PTPRD: variants seen among roughly 807,000 people sequenced by gnomAD.
The protein encoded by PTPRD is receptor-type tyrosine-protein phosphatase delta.
Under a neutral mutation model 214.5 loss-of-function variants are expected in PTPRD, and 34 were observed. The observed-to-expected ratio is 0.16, with a 90% CI of 0.12 to 0.21. The LOEUF is 0.21. Among genes scored for constraint, PTPRD ranks in the 10% least tolerant of loss-of-function variants. PTPRD has a pLI of 1.00. For synonymous variants in PTPRD, 1,128 were observed against 845.7 expected, an observed-to-expected ratio of 1.33 and a Z score of -5.79; for missense variants, 2,545 against 2,398.7, an observed-to-expected ratio of 1.06 and a Z score of -1.27.
At chr9:8,989,144 T>C (rs569732267) in intron 11 of PTPRD, among the ~76,000 whole-genome samples, 1 of 152,080 alleles carries the variant, frequency 6.6e-6, no homozygotes, top group Non-Finnish European at 1.5e-5. Context: ...TTGATACCTG[T>C]ACACAATGTG....
intron 9 of PTPRD, among the ~76,000 whole-genome samples, chr9:9,208,994 G>C (rs560059185): frequency 6.6e-6 from 1 of 152,046 alleles, no homozygotes; most frequent in East Asian, 1.9e-4. Flanking sequence ...GCTTTTAGTA[G>C]AGACAGGGTT....
intron 9 of PTPRD, among the ~76,000 whole-genome samples, chr9:9,236,664 T>G (rs2099966940): frequency 7.1e-6 from 1 of 140,184 alleles, no homozygotes; most frequent in Non-Finnish European, 1.6e-5. Context: ...GTCAATTCAT[T>G]TGTGGTCCTT....
intron 4 of PTPRD, among the ~76,000 whole-genome samples, chr9:9,986,410 G>A (rs751307540): frequency 6.6e-6 from 1 of 152,026 alleles, no homozygotes; most frequent in Non-Finnish European, 1.5e-5. Context: ...ATTTATTGAA[G>A]TAATATTGTA....
intron 35 of PTPRD, among the ~76,000 whole-genome samples, chr9:8,409,659 T>C (rs998677735): frequency 2.6e-5 from 4 of 152,114 alleles, no homozygotes; most frequent in Admixed American, 6.6e-5. Context: ...AGAAGAAAAA[T>C]ATAATTCAAA....
intron 8 of PTPRD, among the ~76,000 whole-genome samples, chr9:9,403,392 C>T (rs1273451554): frequency 7.5e-6 from 1 of 132,676 alleles, no homozygotes; most frequent in Non-Finnish European, 1.6e-5. Flanking sequence ...TGATACATTT[C>T]TAAATATTGT....
At chr9:9,917,302 GAAAAAAAAAA>G (rs140708788) in intron 5 of PTPRD, among the ~76,000 whole-genome samples, 1 of 21,196 alleles carries the variant, frequency 4.7e-5, no homozygotes, top group Non-Finnish European at 1.0e-4. Flanking sequence ...TAGCTAGACT[GAAAAAAAAAA>G]AAAAAAAAAA....
chr9:10,354,881 G>T (rs1486619233), intron 2 of PTPRD, among the ~76,000 whole-genome samples: 1 of 152,096 alleles, frequency 6.6e-6, no homozygotes, highest in Non-Finnish European at 1.5e-5. Context: ...TCATAATTTT[G>T]CATGTGCTCA....
At chr9:10,288,423 T>C (rs1456191684) in intron 3 of PTPRD, among the ~76,000 whole-genome samples, 1 of 152,182 alleles carries the variant, frequency 6.6e-6, no homozygotes, top group African/African-American at 2.4e-5. Flanking sequence ...CATCAGTTTA[T>C]TAACTTAATG....
At chr9:10,453,401 G>C (rs1015255958) in intron 2 of PTPRD, among the ~76,000 whole-genome samples, 4 of 151,558 alleles carry the variant, frequency 2.6e-5, no homozygotes, top group South Asian at 2.1e-4. Flanking sequence ...ACATTGGATA[G>C]TATAGATATT....
chr9:8,978,954 C>T (rs939490766), intron 11 of PTPRD, among the ~76,000 whole-genome samples: 14 of 152,064 alleles, frequency 9.2e-5, no homozygotes, highest in African/African-American at 3.1e-4. Context: ...CATTTGAATC[C>T]AATGAGGCTG....
intron 9 of PTPRD, among the ~76,000 whole-genome samples, chr9:9,375,211 A>G (rs2060472160): frequency 6.6e-6 from 1 of 152,218 alleles, no homozygotes; most frequent in African/African-American, 2.4e-5. Flanking sequence ...TCACAGCAGC[A>G]TTATTCACAG....
chr9:8,502,281 C>T (rs920405725), intron 23 of PTPRD, among the ~76,000 whole-genome samples: 3 of 152,072 alleles, frequency 2.0e-5, no homozygotes, highest in Non-Finnish European at 2.9e-5. Flanking sequence ...CATACACACA[C>T]GCATATATTT....
chr9:10,191,994 T>A (rs968535095), intron 3 of PTPRD, among the ~76,000 whole-genome samples: 1 of 152,156 alleles, frequency 6.6e-6, no homozygotes, highest in African/African-American at 2.4e-5. Context: ...GGTTGAATTA[T>A]TAGAAATTGT....
At chr9:10,326,900 A>G (rs991956193) in intron 3 of PTPRD, among the ~76,000 whole-genome samples, 1 of 151,370 alleles carries the variant, frequency 6.6e-6, no homozygotes, top group Admixed American at 6.6e-5. Context: ...CATTCTTTGA[A>G]CCTAAAATTT....
intron 3 of PTPRD, among the ~76,000 whole-genome samples, chr9:10,154,380 T>C (rs2099080798): frequency 6.6e-6 from 1 of 152,198 alleles, no homozygotes; most frequent in African/African-American, 2.4e-5. Flanking sequence ...CTTTGTCAAA[T>C]GTACAATTTG....
chr9:9,940,329 A>G (rs4636255), intron 4 of PTPRD, among the ~76,000 whole-genome samples: 25,355 of 152,076 alleles, frequency 0.17, 5,498 homozygotes, highest in African/African-American at 0.5. Flanking sequence ...TAGACTACCT[A>G]TGGGACAAAC....
chr9:9,412,340 A>C (rs574927849), intron 8 of PTPRD, among the ~76,000 whole-genome samples: 33 of 152,228 alleles, frequency 2.2e-4, no homozygotes, highest in African/African-American at 6.0e-4. Flanking sequence ...ATGCCTACTG[A>C]AATTGTTGCC....
intron 11 of PTPRD, among the ~76,000 whole-genome samples, chr9:8,989,273 T>C (rs750787539): frequency 3.3e-5 from 5 of 151,976 alleles, no homozygotes; most frequent in Non-Finnish European, 7.4e-5. Flanking sequence ...ACTTTAACTA[T>C]AACTTCCCTA....
intron 11 of PTPRD, among the ~76,000 whole-genome samples, chr9:8,899,288 G>C (rs1266535082): frequency 6.6e-6 from 1 of 152,124 alleles, no homozygotes; most frequent in Non-Finnish European, 1.5e-5. Context: ...ACTAAAGGTA[G>C]CATGCCCTCT....
Sources: gnomAD v4.1 joint callset for allele counts (sites outside exome capture counted in the v4.1 genomes callset) on GRCh38, gnomAD v4.1.1 for gene constraint, MANE v1.5 for transcripts, NCBI Gene and HGNC (gene_info 2026-07-23, HGNC 2026-07-21) for gene names.